Variants in KCNJ15 observed in about 807,000 individuals in gnomAD.
KCNJ15 encodes the protein potassium inwardly rectifying channel subfamily J member 15, also known as ATP-sensitive inward rectifier potassium channel 15.
A neutral mutation model predicts 23.0 loss-of-function variants in KCNJ15; 14 were observed. The ratio of observed to expected loss-of-function variants is 0.61; its 90% CI spans 0.40 to 0.95. The LOEUF is 0.95. Ranked by LOEUF, KCNJ15 falls within the 40% of genes least tolerant of loss-of-function variation. The probability of loss-of-function intolerance (pLI) is 0.00; values close to 1 mark genes in which losing one functional copy is unlikely to be tolerated. For missense variants in KCNJ15, 388 were observed against 461.8 expected, an observed-to-expected ratio of 0.84 and a Z score of 1.46; for synonymous variants, 185 against 183.2, an observed-to-expected ratio of 1.01 and a Z score of -0.08.
intron 1 of KCNJ15, among the ~76,000 whole-genome samples, chr21:38,291,408 A>G (rs2123707919): frequency 6.6e-6 from 1 of 152,244 alleles, no homozygotes; most frequent in East Asian, 1.9e-4. Context: ...TTTTCCAGCA[A>G]TTCTCAACTT....
At position 38,301,971 on chromosome 21, in the gene KCNJ15, CACACACACAT is replaced by C. The variant is rs1443605678; in HGVS notation, c.*1583_*1592del. ...GCACACACACAGTCACACACGCACA[CACACACACAT>C]GCACACACGCGCGTGCACACACGCA... On this transcript the variant is annotated 3_prime_UTR_variant, in exon 3 of 3. Transcript: ENST00000398938. The C allele has an allele frequency of 7.0e-5, 11 of 156,794 alleles. No individual in the cohort carries two copies. The highest frequency in any genetic ancestry group is 2.7e-4 in the African/African-American group (11 of 41,014). 9.7% of individuals were successfully genotyped at this position (156,794 alleles called of 1,614,324 possible). A position where few individuals can be genotyped will look rare whatever the true frequency, so the allele number is the denominator to read the frequency against.
chr21:38,269,213 A>G (rs914258503), intron 1 of KCNJ15, among the ~76,000 whole-genome samples: 2 of 152,198 alleles, frequency 1.3e-5, no homozygotes, highest in East Asian at 3.8e-4. Context: ...TTCCCTTTTC[A>G]TACGTTCTTT....
intron 1 of KCNJ15, among the ~76,000 whole-genome samples, chr21:38,245,704 G>GGAAA (rs369478504): frequency 6.7e-6 from 1 of 149,568 alleles, no homozygotes; most frequent in Non-Finnish European, 1.5e-5. Flanking sequence ...AAGAAGGAAA[G>GGAAA]GAAAGAAAGA....
chr21:38,299,561 C>T lies in KCNJ15; in HGVS notation c.300C>T (p.Pro100=), dbSNP rs757644785. 7 of 1,614,120 alleles carry T rather than the reference C, an allele frequency of 4.3e-6. No homozygotes were observed. In the Admixed American group the frequency reaches 1.2e-4, roughly 27 times the overall value. The change falls in exon 3 of 3, where the codon CCC becomes CCT. Residue 100 remains proline (P), a synonymous_variant. Transcript: ENST00000398938. This position sits in a 1 kb window ranked among gnomAD's most constrained non-coding sequence, Gnocchi z 4.5. ...FIHGDLEPGE[P]ISNHTPCIMK... ...ATGGGGACTTAGAACCCGGTGAGCC[C>T]ATTTCAAATCATACCCCCTGCATCA...
At position 38,238,522 on chromosome 21, in the gene KCNJ15, T is replaced by C. The variant is rs1978774298; in HGVS notation, c.-398-18524T>C. On this transcript the variant is annotated intron_variant, in intron 1 of 4. Transcript: ENST00000547341. ...CTGGGCTGAGAGGGCACGGACCATC[T>C]CCGGCAATGCCACCGGGACATGGTG... is the stretch of plus-strand genomic sequence containing the variant. The C allele has an allele frequency of 9.4e-6, 6 of 640,974 alleles. No individual in the cohort carries two copies. In the Admixed American group the frequency reaches 1.1e-4, roughly 12 times the overall value. 39.7% of individuals were successfully genotyped at this position (640,974 alleles called of 1,614,324 possible).
At chr21:38,235,844 T>C (rs1409795734) in intron 1 of KCNJ15, among the ~76,000 whole-genome samples, 4 of 152,238 alleles carry the variant, frequency 2.6e-5, no homozygotes. Flanking sequence ...CATCTGTTCA[T>C]CTGTAAAGCA....
chr21:38,271,521 TAA>T (rs750391770), intron 1 of KCNJ15, among the ~76,000 whole-genome samples: 2 of 152,250 alleles, frequency 1.3e-5, no homozygotes, highest in Non-Finnish European at 2.9e-5. Context: ...ACTTGCAGTT[TAA>T]AAGAGGCATG....
intron 1 of KCNJ15, among the ~76,000 whole-genome samples, chr21:38,241,811 C>T (rs930206581): frequency 2.6e-5 from 4 of 151,176 alleles, no homozygotes; most frequent in African/African-American, 7.3e-5. Flanking sequence ...TACTAAAATA[C>T]AAAAAAAATT....
chr21:38,232,088 G>C (rs1425931473), intron 1 of KCNJ15, among the ~76,000 whole-genome samples: 2 of 150,420 alleles, frequency 1.3e-5, no homozygotes, highest in Non-Finnish European at 3.0e-5. Context: ...AAATTATCTG[G>C]GTCTGGGCTT....
At chr21:38,278,750 C>G (rs1002561966) in intron 1 of KCNJ15, among the ~76,000 whole-genome samples, 1 of 152,130 alleles carries the variant, frequency 6.6e-6, no homozygotes, top group African/African-American at 2.4e-5. Context: ...CAATAGAGGA[C>G]TAATCCATCT....
chr21:38,261,922 TA>T (rs1321673450), intron 1 of KCNJ15, among the ~76,000 whole-genome samples: 1 of 152,236 alleles, frequency 6.6e-6, no homozygotes, highest in Non-Finnish European at 1.5e-5. Flanking sequence ...TAGTTTCTAT[TA>T]ACGCTGTTTC....
At chr21:38,245,392 G>A (rs1044192512) in intron 1 of KCNJ15, among the ~76,000 whole-genome samples, 2 of 151,722 alleles carry the variant, frequency 1.3e-5, no homozygotes, top group Non-Finnish European at 2.9e-5. Context: ...TGTGGTCAGG[G>A]TTGAGGCCAC....
intron 1 of KCNJ15, among the ~76,000 whole-genome samples, chr21:38,271,651 T>C (rs1982110142): frequency 6.6e-6 from 1 of 152,176 alleles, no homozygotes; most frequent in Non-Finnish European, 1.5e-5. Flanking sequence ...TGTATTTGAG[T>C]ATTCTTCTCA....
chr21:38,255,218 C>A (rs907476492), upstream of KCNJ15, among the ~76,000 whole-genome samples: 4 of 152,170 alleles, frequency 2.6e-5, no homozygotes, highest in Middle Eastern at 3.2e-3. Flanking sequence ...AGGACCTGAA[C>A]AATGAGTCAG....
intron 1 of KCNJ15, among the ~76,000 whole-genome samples, chr21:38,268,550 G>GAAAAAAAAAAAAAAAAAAAA (rs576709021): frequency 2.1e-5 from 1 of 47,276 alleles, no homozygotes; most frequent in Non-Finnish European, 5.1e-5. Flanking sequence ...CTTAAAATCT[G>GAAAAAAAAAAAAAAAAAAAA]AAAAAAAAAA....
chr21:38,277,555 C>G, intron 1 of KCNJ15, among the ~76,000 whole-genome samples: 1 of 152,184 alleles, frequency 6.6e-6, no homozygotes, highest in East Asian at 1.9e-4. Context: ...TGTATCTGAA[C>G]TTCCACGTGC....
chr21:38,260,994 A>G (rs1980828238), intron 1 of KCNJ15, among the ~76,000 whole-genome samples: 1 of 152,094 alleles, frequency 6.6e-6, no homozygotes, highest in African/African-American at 2.4e-5. Flanking sequence ...GAGCCTGCCC[A>G]TGTCCCTGAG....
At chr21:38,288,026 C>CTTTTTTTCTTTTTTTTTT (rs1171718120) in intron 1 of KCNJ15, among the ~76,000 whole-genome samples, 1 of 78,170 alleles carries the variant, frequency 1.3e-5, no homozygotes, top group African/African-American at 5.1e-5. Context: ...TTGTTTTTTT[C>CTTTTTTTCTTTTTTTTTT]TTTGTTTTTT....
chr21:38,251,973 G>A (rs1445564433), upstream of KCNJ15, among the ~76,000 whole-genome samples: 1 of 152,192 alleles, frequency 6.6e-6, no homozygotes. Flanking sequence ...AGGATGGTGG[G>A]TGGTGGGAAG....
Sources: gnomAD v4.1 joint callset for allele counts (sites outside exome capture counted in the v4.1 genomes callset) on GRCh38, gnomAD v4.1.1 for gene constraint, Gnocchi (gnomAD v3.1) non-coding constraint, MANE v1.5 for transcripts, NCBI Gene and HGNC (gene_info 2026-07-23, HGNC 2026-07-21) for gene names.